The following DLGAP1 variants were observed in gnomAD, a reference collection of about 807,000 sequenced individuals.
DLGAP1 encodes the protein disks large-associated protein 1.
Under a neutral mutation model 90.8 loss-of-function variants are expected in DLGAP1, and 11 were observed. The observed-to-expected ratio is 0.12, with a 90% CI of 0.08 to 0.20. The LOEUF is 0.20. Ranked by LOEUF, DLGAP1 falls within the 10% of genes least tolerant of loss-of-function variation. DLGAP1 has a pLI of 1.00. For missense variants in DLGAP1, 1,050 were observed against 1,333.8 expected (o/e 0.79, Z 3.31); for synonymous variants, 558 against 540.7 (o/e 1.03, Z -0.44).
At chr18:3,605,337 C>G (rs2145819561) in intron 7 of DLGAP1, among the ~76,000 whole-genome samples, 1 of 152,308 alleles carries the variant, frequency 6.6e-6, no homozygotes, top group South Asian at 2.1e-4. Context: ...CATGAGAACA[C>G]AGCAGTTTTT....
chr18:4,435,448 G>A (rs1468689455), intron 1 of DLGAP1, among the ~76,000 whole-genome samples: 1 of 152,112 alleles, frequency 6.6e-6, no homozygotes, highest in East Asian at 1.9e-4. Context: ...AGGAAGAGGA[G>A]TCAAGAAAGG....
chr18:3,633,501 G>C (rs763622272), intron 7 of DLGAP1, among the ~76,000 whole-genome samples: 3 of 151,882 alleles, frequency 2.0e-5, no homozygotes, highest in Non-Finnish European at 4.4e-5. Flanking sequence ...TCAGAATTAA[G>C]AGTGGAAGGT....
At chr18:4,343,223 C>G (rs1041633223) in intron 1 of DLGAP1, among the ~76,000 whole-genome samples, 1 of 150,764 alleles carries the variant, frequency 6.6e-6, no homozygotes, top group Non-Finnish European at 1.5e-5. Context: ...AGGAGAATGG[C>G]GTGAACCCAG....
intron 1 of DLGAP1, among the ~76,000 whole-genome samples, chr18:4,384,904 C>T (rs1363251082): frequency 1.3e-5 from 2 of 152,114 alleles, no homozygotes; most frequent in Admixed American, 1.3e-4. Context: ...ATTCATCCTA[C>T]ATCTTTGCTT....
intron 1 of DLGAP1, among the ~76,000 whole-genome samples, chr18:4,274,538 C>G (rs1166391260): frequency 1.3e-5 from 2 of 152,144 alleles, no homozygotes; most frequent in Non-Finnish European, 2.9e-5. Flanking sequence ...ATAGCCAATT[C>G]TTCACTGGAA....
chr18:3,689,132 T>C (rs2060808496), intron 7 of DLGAP1, among the ~76,000 whole-genome samples: 1 of 152,322 alleles, frequency 6.6e-6, no homozygotes, highest in South Asian at 2.1e-4. Flanking sequence ...AGTTAAAAAA[T>C]AATATTTGAA....
chr18:3,628,297 C>T (rs1338024231), intron 7 of DLGAP1, among the ~76,000 whole-genome samples: 1 of 149,274 alleles, frequency 6.7e-6, no homozygotes, highest in African/African-American at 2.5e-5. Flanking sequence ...TCGAGCGATT[C>T]TCCTATTTCA....
At position 4,127,744 on chromosome 18, in the gene DLGAP1, G is replaced by A. The variant is rs150023214; in HGVS notation, c.-159+23436C>T. Among the ~76,000 whole-genome samples, 782 of 152,198 alleles carry A rather than the reference G, an allele frequency of 5.1e-3. 7 individuals are homozygous for A. The highest frequency in any genetic ancestry group is 0.017 in the African/African-American group (723 of 41,528). On this transcript the variant is annotated intron_variant, in intron 2 of 12. Transcript: ENST00000315677. ...AATGTAATGGTGAATTAAGACCTCA[G>A]AAAATAAGGCCTGAAACACAGGAAA... is the stretch of plus-strand genomic sequence containing the variant.
intron 7 of DLGAP1, among the ~76,000 whole-genome samples, chr18:3,590,813 G>A (rs180807042): frequency 1.6e-4 from 25 of 152,106 alleles, no homozygotes; most frequent in Admixed American, 8.5e-4. Flanking sequence ...CGCAGAGGTT[G>A]TAGTGAGCCG....
At chr18:4,385,468 AT>A (rs11303458) in intron 1 of DLGAP1, among the ~76,000 whole-genome samples, 6,792 of 150,862 alleles carry the variant, frequency 0.045, 478 homozygotes, top group African/African-American at 0.16. Context: ...CAATACTTTC[AT>A]TTTTTTTTCC....
intron 1 of DLGAP1, among the ~76,000 whole-genome samples, chr18:4,323,989 C>T (rs2143637718): frequency 6.6e-6 from 1 of 152,008 alleles, no homozygotes; most frequent in East Asian, 1.9e-4. Context: ...AAACCAACCC[C>T]AAAGGAAGCA....
intron 5 of DLGAP1, among the ~76,000 whole-genome samples, chr18:3,798,645 C>T (rs1229210380): frequency 1.3e-5 from 2 of 152,264 alleles, no homozygotes; most frequent in South Asian, 2.1e-4. Context: ...TCTATTCCCT[C>T]TAAGGTTGTT....
intron 7 of DLGAP1, among the ~76,000 whole-genome samples, chr18:3,663,264 T>G (rs2059751729): frequency 6.7e-6 from 1 of 148,170 alleles, no homozygotes; most frequent in African/African-American, 2.5e-5. Context: ...AGAGCAAGAC[T>G]CCCCCTAAAA....
At chr18:3,677,879 G>A (rs1002013111) in intron 7 of DLGAP1, among the ~76,000 whole-genome samples, 1 of 151,034 alleles carries the variant, frequency 6.6e-6, no homozygotes, top group Non-Finnish European at 1.5e-5. Context: ...GGCTGGTCTC[G>A]AACTCCTGAC....
chr18:4,183,192 T>A (rs540041875), intron 1 of DLGAP1, among the ~76,000 whole-genome samples: 1 of 152,292 alleles, frequency 6.6e-6, no homozygotes, highest in East Asian at 1.9e-4. Flanking sequence ...CAAGTCATAC[T>A]GAAAACTGTC....
At position 4,331,320 on chromosome 18, in the gene DLGAP1, C is replaced by T. The variant is rs376109793; in HGVS notation, c.-267+123686G>A. Among the ~76,000 whole-genome samples the T allele has an allele frequency of 4.2e-4, 64 of 151,878 alleles. 1 individual carries two copies. In the South Asian group the frequency reaches 0.011, roughly 26 times the overall value. ...GGTCAGTGAATGGGACACAAGACAG[C>T]GCTCAGGACAGAAACTTAGGAAATG... On this transcript the variant is annotated intron_variant, in intron 1 of 12. Transcript: ENST00000315677.
At chr18:4,221,208 G>A (rs990513337) in intron 1 of DLGAP1, among the ~76,000 whole-genome samples, 6 of 151,864 alleles carry the variant, frequency 4.0e-5, no homozygotes, top group Non-Finnish European at 8.8e-5. Context: ...GCAACCATCC[G>A]CTCTTATTCC....
At chr18:4,404,121 G>A (rs2082614635) in intron 1 of DLGAP1, among the ~76,000 whole-genome samples, 1 of 152,146 alleles carries the variant, frequency 6.6e-6, no homozygotes, top group South Asian at 2.1e-4. Flanking sequence ...CAAAAGGTGT[G>A]GTGAAGGGAA....
At chr18:4,089,733 T>A (rs2143729321) in intron 2 of DLGAP1, among the ~76,000 whole-genome samples, 1 of 152,230 alleles carries the variant, frequency 6.6e-6, no homozygotes, top group Non-Finnish European at 1.5e-5. Context: ...TGGCTAGCCA[T>A]ATGTAGAAAA....
Sources: gnomAD v4.1 joint callset for allele counts (sites outside exome capture counted in the v4.1 genomes callset) on GRCh38, gnomAD v4.1.1 for gene constraint, MANE v1.5 for transcripts, NCBI Gene and HGNC (gene_info 2026-07-23, HGNC 2026-07-21) for gene names.